The following BICRA variants were observed in gnomAD, a reference collection of about 807,000 sequenced individuals.
The protein encoded by BICRA is BRD4 interacting chromatin remodeling complex associated protein.
BICRA carries 31 observed loss-of-function variants against 96.9 expected under a neutral mutation model. The ratio of observed to expected loss-of-function variants is 0.32; its 90% confidence interval spans 0.24 to 0.43. BICRA has a LOEUF of 0.43. Ranked by LOEUF, BICRA falls within the 20% of genes least tolerant of loss-of-function variation. BICRA has a pLI of 1.00. For synonymous variants in BICRA, 1,350 were observed against 1,071.8 expected (o/e 1.26, Z -5.07); for missense variants, 2,283 against 2,190.3 (o/e 1.04, Z -0.84).
intron 1 of BICRA, among the ~76,000 whole-genome samples, chr19:47,620,393 G>T (rs914700776): frequency 6.6e-6 from 1 of 151,922 alleles, no homozygotes; most frequent in Non-Finnish European, 1.5e-5. Context: ...TGGCCAGGGC[G>T]CAGTGGCTCA....
At chr19:47,631,307 A>G (rs1972218864) in intron 1 of BICRA, among the ~76,000 whole-genome samples, 1 of 152,134 alleles carries the variant, frequency 6.6e-6, no homozygotes, top group Non-Finnish European at 1.5e-5. Flanking sequence ...GGCTCACTGC[A>G]ACCTCCGCCT....
At position 47,702,706 on chromosome 19, in the gene BICRA, C is replaced by G. The variant is rs936058177; in HGVS notation, c.*291C>G. 8.7e-6 allele frequency: 4 copies of G among 458,510 alleles called. No individual in the cohort carries two copies. 28.4% of individuals were successfully genotyped at this position (458,510 alleles called of 1,614,324 possible). The stretch of plus-strand genomic sequence containing the variant: ...TCCCATTTCCTGGCACACTCTGCCC[C>G]TCTGTCCGGGGGACACGCGCATGTG... On this transcript the variant is annotated 3_prime_UTR_variant, in exon 15 of 15. Transcript: ENST00000594866.
At chr19:47,681,543 A>G (rs1288970493) in intron 6 of BICRA, among the ~76,000 whole-genome samples, 1 of 152,162 alleles carries the variant, frequency 6.6e-6, no homozygotes, top group Non-Finnish European at 1.5e-5. Context: ...ACTGGCAGAC[A>G]GACAGACAAA....
Position 47,682,133 on chromosome 19 carries a change from C to T in BICRA, c.2264C>T (p.Ser755Phe). The T allele has an allele frequency of 6.7e-7, 1 of 1,482,668 alleles. No individual in the cohort carries two copies. Among genetic ancestry groups the T allele is most frequent in the Non-Finnish European group, 9.1e-7 (1 of 1,095,064 alleles). The allele number at this position is 1,482,668 out of a possible 1,614,324, so 91.8% of individuals were successfully genotyped here. The change falls in exon 7 of 15, where the codon TCC becomes TTC. Residue 755 changes from serine (S) to phenylalanine (F), a missense_variant. Transcript: ENST00000594866. ...LGPQAPDSQA[S>F]PAPAPQIPAA... ...CCTCAGGCCCCCGACAGCCAGGCTT[C>T]CCCGGCTCCGGCCCCCCAGGTAGAG...
chr19:47,681,550 CAA>C (rs748046827), intron 6 of BICRA, among the ~76,000 whole-genome samples: 145 of 152,074 alleles, frequency 9.5e-4, no homozygotes, highest in Middle Eastern at 3.4e-3. Flanking sequence ...GACAGACAGA[CAA>C]AGAGAGGGAC....
intron 1 of BICRA, among the ~76,000 whole-genome samples, chr19:47,614,628 C>G (rs1568544604): frequency 6.6e-6 from 1 of 152,218 alleles, no homozygotes; most frequent in Non-Finnish European, 1.5e-5. Flanking sequence ...CTGTCTAAAA[C>G]AAACAAACAG....
intron 7 of BICRA, among the ~76,000 whole-genome samples, chr19:47,685,950 T>G (rs1973151779): frequency 4.0e-5 from 6 of 151,762 alleles, no homozygotes; most frequent in East Asian, 1.9e-4. Context: ...AGAATTTGTT[T>G]TTTTTTTTTT....
At chr19:47,633,504 G>C (rs1972253027) in intron 1 of BICRA, among the ~76,000 whole-genome samples, 2 of 152,142 alleles carry the variant, frequency 1.3e-5, no homozygotes, top group South Asian at 4.1e-4. Context: ...TTCCTGGCCA[G>C]TCATTATTTT....
intron 1 of BICRA, among the ~76,000 whole-genome samples, chr19:47,624,734 G>A (rs535138695): frequency 2.7e-5 from 4 of 150,834 alleles, no homozygotes; most frequent in South Asian, 2.1e-4. Context: ...TCATTCTGTC[G>A]CCCAGGCTGG....
In BICRA at chr19:47,701,798, A is replaced by G; in HGVS notation, c.4066A>G (p.Thr1356Ala). 1 of 1,533,960 alleles carries G rather than the reference A, an allele frequency of 6.5e-7. No individual in the cohort carries two copies. The highest frequency in any genetic ancestry group is 8.7e-7 in the Non-Finnish European group (1 of 1,142,932). The change falls in exon 15 of 15, where the codon ACG becomes GCG. Residue 1356 changes from threonine (T) to alanine (A), a missense_variant. Transcript: ENST00000594866. This position sits in a 1 kb window ranked among gnomAD's most constrained non-coding sequence, Gnocchi z 5.4. ...PPRPPPPPPP[T>A]GQMNGTVDHP... ...ACGGCCGCCACCACCACCGCCGCCC[A>G]CGGGCCAGATGAACGGCACGGTGGA...
chr19:47,639,441 C>G (rs1337586324), intron 1 of BICRA, among the ~76,000 whole-genome samples: 1 of 148,792 alleles, frequency 6.7e-6, no homozygotes, highest in Non-Finnish European at 1.5e-5. Flanking sequence ...ATTCTTCTGC[C>G]TCAGCCTCCC....
intron 1 of BICRA, among the ~76,000 whole-genome samples, chr19:47,653,826 G>A (rs1259469822): frequency 1.3e-5 from 2 of 152,134 alleles, no homozygotes; most frequent in Non-Finnish European, 2.9e-5. Context: ...TCACAGGCCA[G>A]CCTTTGTTTT....
chr19:47,643,289 C>T (rs760837661), intron 1 of BICRA, among the ~76,000 whole-genome samples: 5 of 152,222 alleles, frequency 3.3e-5, no homozygotes, highest in Non-Finnish European at 7.3e-5. Context: ...TTTAAACAGC[C>T]CTTTTTCTGG....
At chr19:47,620,002 G>GGTC (rs938428375) in intron 1 of BICRA, among the ~76,000 whole-genome samples, 23 of 152,236 alleles carry the variant, frequency 1.5e-4, no homozygotes, top group Admixed American at 5.9e-4. Context: ...TGTCATTGTG[G>GGTC]GTCAGCCTTG....
At chr19:47,610,930 G>A (rs948144333) in intron 1 of BICRA, among the ~76,000 whole-genome samples, 5 of 152,032 alleles carry the variant, frequency 3.3e-5, no homozygotes, top group Non-Finnish European at 7.4e-5. Flanking sequence ...ATAGCTCCCC[G>A]CTCAAGATGG....
rs111807087 is a variant in BICRA, at chr19:47,701,044, C to G, written c.3596-284C>G. On this transcript the variant is annotated intron_variant, in intron 14 of 14. Transcript: ENST00000594866. The surrounding 1 kb of genome is among the most constrained non-coding windows in gnomAD (Gnocchi z 5.4). ...CCCCCTCCCTTGGCCTCCCAAAGTG[C>G]TGGGATTACAGGCCTGAGCCTTGTT... 5 of 461,948 alleles carry G rather than the reference C, an allele frequency of 1.1e-5. No homozygotes were observed. The highest frequency in any genetic ancestry group is 1.9e-5 in the Non-Finnish European group (5 of 260,528). 28.6% of individuals were successfully genotyped at this position (461,948 alleles called of 1,614,324 possible). A position where few individuals can be genotyped will look rare whatever the true frequency, so the allele number is the denominator to read the frequency against.
intron 1 of BICRA, among the ~76,000 whole-genome samples, chr19:47,654,974 A>G (rs1216420937): frequency 9.2e-5 from 14 of 152,034 alleles, no homozygotes; most frequent in Non-Finnish European, 1.9e-4. Flanking sequence ...CCAAGATATC[A>G]TATTTGCAGA....
At chr19:47,671,942 TG>T (rs1271231092) in intron 2 of BICRA, among the ~76,000 whole-genome samples, 3 of 56,350 alleles carry the variant, frequency 5.3e-5, no homozygotes, top group Non-Finnish European at 1.0e-4. Flanking sequence ...GATGGAGGGA[TG>T]GGTGGGTAGA....
chr19:47,621,952 C>T (rs1972070666), intron 1 of BICRA, among the ~76,000 whole-genome samples: 1 of 151,912 alleles, frequency 6.6e-6, no homozygotes, highest in African/African-American at 2.4e-5. Flanking sequence ...CCACCACCCC[C>T]AGCTAATTTT....
Sources: allele counts gnomAD v4.1 joint callset (sites outside exome capture counted in the v4.1 genomes callset), GRCh38; gene constraint gnomAD v4.1.1; non-coding constraint Gnocchi (gnomAD v3.1); transcripts MANE v1.5; gene names NCBI Gene and HGNC (gene_info 2026-07-23, HGNC 2026-07-21).